Variants in IQSEC1 observed in about 807,000 individuals in gnomAD.
IQSEC1 encodes the protein IQ motif and SEC7 domain-containing protein 1.
A neutral mutation model predicts 91.0 loss-of-function variants in IQSEC1; 31 were observed. The ratio of observed to expected loss-of-function variants is 0.34; its 90% confidence interval spans 0.26 to 0.46. The LOEUF (loss-of-function observed/expected upper bound fraction) is 0.46. Among genes scored for constraint, IQSEC1 ranks in the 20% least tolerant of loss-of-function variants. The pLI is 1.00. For missense variants in IQSEC1, 1,388 were observed against 1,575.6 expected (o/e 0.88, Z 2.02); for synonymous variants, 699 against 662.6 (o/e 1.05, Z -0.84).
chr3:12,940,046 A>G lies in IQSEC1; in HGVS notation c.318+1525T>C, dbSNP rs1349025535. 6.6e-6 allele frequency among the ~76,000 whole-genome samples: 1 copy of G among 152,190 alleles called. No homozygotes were observed. The highest frequency in any genetic ancestry group is 1.9e-4 in the East Asian group (1 of 5,196). On this transcript the variant is annotated intron_variant, in intron 2 of 13. Coordinates refer to ENST00000613206, the MANE Select transcript of IQSEC1 (RefSeq NM_001134382.3). This position sits in a 1 kb window ranked among gnomAD's most constrained non-coding sequence, Gnocchi z 4.4. Reference sequence around the variant, plus strand: ...CCTATTAGGCCCACAGTAAGCATATAATTCTCTTCAAAGGCCTCTATTAAG... The same window carrying G: ...CCTATTAGGCCCACAGTAAGCATATGATTCTCTTCAAAGGCCTCTATTAAG...
intron 1 of IQSEC1, among the ~76,000 whole-genome samples, chr3:13,051,601 A>G (rs566087739): frequency 6.6e-6 from 1 of 152,276 alleles, no homozygotes; most frequent in East Asian, 1.9e-4. Flanking sequence ...TACATATATA[A>G]TAATTCAGTA....
chr3:13,259,736 G>A lies in IQSEC1; in HGVS notation c.272+22975C>T, dbSNP rs1206508897. 6.6e-6 allele frequency among the ~76,000 whole-genome samples: 1 copy of A among 152,162 alleles called. No homozygotes were observed. The highest frequency in any genetic ancestry group is 1.5e-5 in the Non-Finnish European group (1 of 68,038). ...CTGCCCTCCCGTGGGAGCCTCCAAT[G>A]CTTACCTCCACCTGCTTCCACCTCT... On this transcript the variant is annotated intron_variant, in intron 1 of 15. Transcript: ENST00000648114. The surrounding 1 kb of genome is among the most constrained non-coding windows in gnomAD (Gnocchi z 4.6).
intron 1 of IQSEC1, among the ~76,000 whole-genome samples, chr3:13,265,642 C>T (rs1576316001): frequency 6.6e-6 from 1 of 152,158 alleles, no homozygotes; most frequent in Non-Finnish European, 1.5e-5. Flanking sequence ...GCCCCCTCAT[C>T]CCTCTGGTGC....
chr3:13,140,790 T>C (rs530656379), intron 2 of IQSEC1, among the ~76,000 whole-genome samples: 1 of 152,316 alleles, frequency 6.6e-6, no homozygotes, highest in Non-Finnish European at 1.5e-5. Flanking sequence ...CATGCCACCG[T>C]GGCTCTGTTC....
At chr3:13,050,961 G>A (rs913068687) in intron 1 of IQSEC1, among the ~76,000 whole-genome samples, 1 of 152,018 alleles carries the variant, frequency 6.6e-6, no homozygotes, top group African/African-American at 2.4e-5. Flanking sequence ...TTATATATAT[G>A]AATATATGAG....
intron 1 of IQSEC1, among the ~76,000 whole-genome samples, chr3:13,224,700 G>C (rs1294871465): frequency 6.6e-6 from 1 of 151,726 alleles, no homozygotes; most frequent in Non-Finnish European, 1.5e-5. Context: ...GGGTAGCTTC[G>C]ACTGTTCCTC....
chr3:12,920,368 GGCCTGGCTGGGGCAGGT>G (rs1696508237), intron 6 of IQSEC1, 45 bp downstream of exon 6: 1 of 1,556,392 alleles, frequency 6.4e-7, no homozygotes, highest in Non-Finnish European at 8.8e-7. Context: ...ATCTGGGGAG[GGCCTGGCTGGGGCAGGT>G]GCTGGAGCAA....
At chr3:13,210,241 C>G (rs1251315897) in intron 1 of IQSEC1, among the ~76,000 whole-genome samples, 1 of 152,136 alleles carries the variant, frequency 6.6e-6, no homozygotes, top group Non-Finnish European at 1.5e-5. Flanking sequence ...ATCCCCCAGG[C>G]TGGGGGGACC....
At chr3:13,077,365 C>T (rs1705579559), upstream of IQSEC1, among the ~76,000 whole-genome samples, 1 of 151,886 alleles carries the variant, frequency 6.6e-6, no homozygotes. Flanking sequence ...CTCCTCCCAT[C>T]CCCATGGTGA....
intron 1 of IQSEC1, among the ~76,000 whole-genome samples, chr3:13,215,052 G>A (rs188006363): frequency 3.9e-5 from 6 of 152,212 alleles, no homozygotes; most frequent in East Asian, 3.9e-4. Flanking sequence ...CTGCAGAGGC[G>A]AGAGGCAGGT....
At chr3:13,134,678 C>CCAGGAAG (rs1380348098) in intron 2 of IQSEC1, among the ~76,000 whole-genome samples, 1 of 152,202 alleles carries the variant, frequency 6.6e-6, no homozygotes, top group Non-Finnish European at 1.5e-5. Flanking sequence ...GCAGGAGTTT[C>CCAGGAAG]CAGGAAGCAG....
rs1338919169 is a variant in IQSEC1 at position 12,913,900 on chromosome 3, G to C, written c.2191-347C>G. 2.6e-5 allele frequency among the ~76,000 whole-genome samples: 4 copies of C among 152,172 alleles called. No homozygotes were observed. The East Asian group carries it at 5.8e-4, about 22-fold the overall frequency. On this transcript the variant is annotated intron_variant, in intron 8 of 13. Transcript: ENST00000613206. ...CTGGGAGCCTCTGGCCAGACAGCGAGTCACATTTTGAGTCCCCACAAGTGC... is the reference window on the plus strand; with the variant it reads ...CTGGGAGCCTCTGGCCAGACAGCGACTCACATTTTGAGTCCCCACAAGTGC...
At chr3:13,183,884 T>G (rs535498957) in intron 1 of IQSEC1, among the ~76,000 whole-genome samples, 1 of 152,208 alleles carries the variant, frequency 6.6e-6, no homozygotes, top group African/African-American at 2.4e-5. Flanking sequence ...AGGACAACTC[T>G]AGGTCCATCA....
intron 1 of IQSEC1, among the ~76,000 whole-genome samples, chr3:13,069,855 A>G (rs462323): frequency 1 from 151,647 of 152,370 alleles, 75,463 homozygotes; most frequent in East Asian, 1. Flanking sequence ...CAATGACCTC[A>G]GGTGTTAGCA....
chr3:13,208,823 C>T (rs138499171), intron 1 of IQSEC1, among the ~76,000 whole-genome samples: 26 of 152,340 alleles, frequency 1.7e-4, no homozygotes, highest in South Asian at 1.2e-3. Flanking sequence ...AGGATGAGCT[C>T]GCAGCATGCA....
chr3:13,269,836 G>C (rs904343273), intron 1 of IQSEC1, among the ~76,000 whole-genome samples: 1 of 152,258 alleles, frequency 6.6e-6, no homozygotes, highest in African/African-American at 2.4e-5. Context: ...CCTTCTCCCA[G>C]GGAGGGTGGA....
chr3:13,173,574 G>T (rs1203283629), intron 1 of IQSEC1, among the ~76,000 whole-genome samples: 1 of 152,226 alleles, frequency 6.6e-6, no homozygotes, highest in Non-Finnish European at 1.5e-5. Flanking sequence ...GACAAACCCT[G>T]TGGGCTCTGT....
chr3:13,054,109 TC>T (rs1436978951), intron 1 of IQSEC1, among the ~76,000 whole-genome samples: 1 of 152,230 alleles, frequency 6.6e-6, no homozygotes, highest in Non-Finnish European at 1.5e-5. Context: ...TGGCAGGCGT[TC>T]CCCTGCCCAC....
At position 12,983,571 on chromosome 3, in the gene IQSEC1, G is replaced by C. The variant is rs766256778; in HGVS notation, c.24-41706C>G. Among the ~76,000 whole-genome samples, 10 of 152,130 alleles carry C rather than the reference G, an allele frequency of 6.6e-5. No individual in the cohort carries two copies. The highest frequency in any genetic ancestry group is 1.3e-4 in the Admixed American group (2 of 15,274). The stretch of plus-strand genomic sequence containing the variant: ...TGAAGTGATGCCCCAGCCTTGAGCA[G>C]GGTGCCCAGAGGGGGTGCTGAGCCA... On this transcript the variant is annotated intron_variant, in intron 1 of 13. Transcript: ENST00000613206. This position sits in a 1 kb window ranked among gnomAD's most constrained non-coding sequence, Gnocchi z 4.3.
Sources: allele counts gnomAD v4.1 joint callset (sites outside exome capture counted in the v4.1 genomes callset), GRCh38; gene constraint gnomAD v4.1.1; non-coding constraint Gnocchi (gnomAD v3.1); transcripts MANE v1.5; gene names NCBI Gene and HGNC (gene_info 2026-07-23, HGNC 2026-07-21).